Variants in CTIF observed in about 807,000 individuals in gnomAD.
CTIF encodes CBP80/20-dependent translation initiation factor.
In CTIF, 21 loss-of-function variants were observed where a neutral mutation model predicts 66.0. The ratio of observed to expected loss-of-function variants is 0.32; its 90% CI spans 0.23 to 0.46. The LOEUF is 0.46. Among genes scored for constraint, CTIF ranks in the 20% least tolerant of loss-of-function variants. The probability of loss-of-function intolerance (pLI) is 1.00; values close to 1 mark genes in which losing one functional copy is unlikely to be tolerated. For missense variants in CTIF, 739 were observed against 812.7 expected, an observed-to-expected ratio of 0.91 and a Z score of 1.10; for synonymous variants, 345 against 326.4, an observed-to-expected ratio of 1.06 and a Z score of -0.62.
intron 3 of CTIF, among the ~76,000 whole-genome samples, chr18:48,663,234 T>C (rs1215234870): frequency 6.6e-6 from 1 of 151,870 alleles, no homozygotes; most frequent in Non-Finnish European, 1.5e-5. Flanking sequence ...AGTAAAGAGG[T>C]TTCTGTCTCT....
intron 6 of CTIF, among the ~76,000 whole-genome samples, chr18:48,671,364 T>TG (rs968253849): frequency 2.0e-5 from 3 of 151,906 alleles, no homozygotes; most frequent in Admixed American, 1.3e-4. Flanking sequence ...GCTGCAGGGG[T>TG]GTAAAAGCAG....
At chr18:48,771,005 A>T (rs1015002346) in intron 9 of CTIF, among the ~76,000 whole-genome samples, 2 of 151,044 alleles carry the variant, frequency 1.3e-5, no homozygotes, top group East Asian at 1.9e-4. Context: ...TCCCCCCCCT[A>T]CGCTGATTAA....
At chr18:48,748,246 G>A (rs1181148641) in intron 7 of CTIF, among the ~76,000 whole-genome samples, 2 of 152,070 alleles carry the variant, frequency 1.3e-5, no homozygotes, top group African/African-American at 4.8e-5. Context: ...TCTCCCAAGG[G>A]GGAAAGGCTC....
At chr18:48,748,064 AATTAAAATGCCCAATCCTTTGCAT>A (rs1204923689) in intron 7 of CTIF, among the ~76,000 whole-genome samples, 2 of 152,176 alleles carry the variant, frequency 1.3e-5, no homozygotes, top group Non-Finnish European at 2.9e-5. Context: ...GACTTTGACG[AATTAAAATGCCCAATCCTTTGCAT>A]TTTCTCAGCT....
intron 10 of CTIF, chr18:48,834,741 C>T (rs987180481): frequency 1.4e-4 from 22 of 152,708 alleles, no homozygotes; most frequent in African/African-American, 5.3e-4. Flanking sequence ...GGATGCAGAG[C>T]TGGGTGGTTT....
At chr18:48,548,226 G>C (rs930641602) in intron 1 of CTIF, among the ~76,000 whole-genome samples, 1 of 152,118 alleles carries the variant, frequency 6.6e-6, no homozygotes, top group African/African-American at 2.4e-5. Context: ...TTCCCTTATA[G>C]GGCCTTCCCC....
At chr18:48,746,737 C>T (rs1408356633) in intron 7 of CTIF, among the ~76,000 whole-genome samples, 1 of 152,034 alleles carries the variant, frequency 6.6e-6, no homozygotes, top group Non-Finnish European at 1.5e-5. Context: ...CCAAGTCCAG[C>T]CCCCTGGCCC....
In CTIF at chr18:48,758,154, A is replaced by C; in HGVS notation, c.820A>C (p.Thr274Pro). ...EAGAHRNAKE[T>P]MTIENPKLED... The stretch of plus-strand genomic sequence containing the variant: ...AGGCGCACACCGCAATGCCAAAGAG[A>C]CCATGACCATCGAGAACCCAAAACT... The change falls in exon 8 of 12, where the codon ACC becomes CCC. Residue 274 changes from threonine (T) to proline (P), a missense_variant. Physicochemically the swap from Thr to Pro is conservative, Grantham distance 38 (BLOSUM62 -1). Around this residue, in one of 2 missense-constraint regions of CTIF, gnomAD observed 529 missense variants for 520.3 expected, o/e 1.02. Transcript: ENST00000256413. The C allele has an allele frequency of 6.2e-7, 1 of 1,613,992 alleles. No individual in the cohort carries two copies. Among genetic ancestry groups the C allele is most frequent in the South Asian group, 1.1e-5 (1 of 91,058 alleles).
intron 6 of CTIF, among the ~76,000 whole-genome samples, chr18:48,690,140 C>T (rs1164782258): frequency 6.6e-6 from 1 of 152,044 alleles, no homozygotes; most frequent in East Asian, 1.9e-4. Flanking sequence ...TTATAGGTGA[C>T]ACTCTCTCCC....
intron 1 of CTIF, among the ~76,000 whole-genome samples, chr18:48,601,666 G>A (rs2090093345): frequency 6.6e-6 from 1 of 152,222 alleles, no homozygotes; most frequent in African/African-American, 2.4e-5. Flanking sequence ...ATGGCATTGA[G>A]ACAAGGGCCC....
intron 7 of CTIF, chr18:48,755,764 A>G (rs927632105): frequency 6.6e-6 from 1 of 152,282 alleles, no homozygotes; most frequent in African/African-American, 2.4e-5. Context: ...GGGTATGCCT[A>G]GTCAGCAGGA....
At chr18:48,558,105 G>A (rs1233958725) in intron 1 of CTIF, among the ~76,000 whole-genome samples, 3 of 152,092 alleles carry the variant, frequency 2.0e-5, no homozygotes, top group Non-Finnish European at 2.9e-5. Flanking sequence ...TTGTTGCTCA[G>A]GCTGGAGTAT....
At chr18:48,635,191 G>T (rs995105758) in intron 2 of CTIF, among the ~76,000 whole-genome samples, 2 of 152,088 alleles carry the variant, frequency 1.3e-5, no homozygotes, top group African/African-American at 4.8e-5. Flanking sequence ...TGCTCAGGAG[G>T]GCATGTCCAG....
At chr18:48,730,751 A>AGGG (rs2092449391) in intron 7 of CTIF, among the ~76,000 whole-genome samples, 4 of 115,664 alleles carry the variant, frequency 3.5e-5, no homozygotes, top group African/African-American at 1.4e-4. Context: ...GAGCCCCCGC[A>AGGG]GCTTGAGGGG....
chr18:48,568,633 TAAAAAAAAAAAAAAAAAAAAA>T (rs58084631), intron 1 of CTIF, among the ~76,000 whole-genome samples: 2 of 36,622 alleles, frequency 5.5e-5, no homozygotes, highest in East Asian at 8.5e-4. Context: ...GGGCAATTTG[TAAAAAAAAAAAAAAAAAAAAA>T]AAAAAAAAAA....
At chr18:48,744,917 GA>G (rs1407171278) in intron 7 of CTIF, among the ~76,000 whole-genome samples, 3 of 151,766 alleles carry the variant, frequency 2.0e-5, no homozygotes, top group Admixed American at 6.6e-5. Flanking sequence ...CCGCCTCCCG[GA>G]TTCATGCCAT....
At chr18:48,695,981 C>T (rs1476330266) in intron 6 of CTIF, among the ~76,000 whole-genome samples, 2 of 152,240 alleles carry the variant, frequency 1.3e-5, no homozygotes, top group African/African-American at 4.8e-5. Flanking sequence ...GTTCTTGCCA[C>T]TCTGAGGTAT....
At chr18:48,627,524 G>T (rs1245793371) in intron 2 of CTIF, among the ~76,000 whole-genome samples, 2 of 151,922 alleles carry the variant, frequency 1.3e-5, no homozygotes. Flanking sequence ...TTCGAGGCCA[G>T]CCTGGGCAAC....
At chr18:48,746,438 AC>A (rs1414526637) in intron 7 of CTIF, among the ~76,000 whole-genome samples, 1 of 151,034 alleles carries the variant, frequency 6.6e-6, no homozygotes, top group South Asian at 2.1e-4. Context: ...TGAAGTGAGA[AC>A]GTGTGGGGAG....
Sources: gnomAD v4.1 joint callset for allele counts (sites outside exome capture counted in the v4.1 genomes callset) on GRCh38, gnomAD v4.1.1 for gene constraint, gnomAD v4.1.1 regional missense constraint, MANE v1.5 for transcripts, NCBI Gene and HGNC (gene_info 2026-07-23, HGNC 2026-07-21) for gene names.